Variants in UTRN observed in about 807,000 individuals in gnomAD.
The protein encoded by UTRN is dystrophin-related protein 1.
UTRN carries 283 observed loss-of-function variants against 463.9 expected under a neutral mutation model. The observed-to-expected ratio is 0.61, with a 90% CI of 0.55 to 0.67. The LOEUF is 0.67. UTRN is among the 30% of genes least tolerant of loss of function. The pLI is 0.00. For synonymous variants in UTRN, 1,442 were observed against 1,431.5 expected (o/e 1.01, Z -0.17); for missense variants, 3,922 against 4,084.3 (o/e 0.96, Z 1.08).
chr6:144,588,844 A>G (rs74879088), intron 51 of UTRN, among the ~76,000 whole-genome samples: 441 of 152,294 alleles, frequency 2.9e-3, no homozygotes, highest in Admixed American at 7.3e-3. Context: ...CCTACCATAG[A>G]GATAAAAGAA....
At chr6:144,589,142 A>G (rs1483890837) in intron 51 of UTRN, among the ~76,000 whole-genome samples, 3 of 152,246 alleles carry the variant, frequency 2.0e-5, no homozygotes, top group Non-Finnish European at 4.4e-5. Context: ...TTGGAAAAAC[A>G]TCAAATGGAA....
rs532684224 is a variant in UTRN, at chr6:144,553,523, A to G, written c.6929-1165A>G. Among the ~76,000 whole-genome samples, 10 of 152,218 alleles carry G rather than the reference A, an allele frequency of 6.6e-5. No individual in the cohort carries two copies. The South Asian group carries it at 1.9e-3, about 28-fold the overall frequency. ...TTCAGCAGCGTGGTTTTAACATTCT[A>G]CCTACTTATTATCAGCAGGTTCTTG... On this transcript the variant is annotated intron_variant, in intron 48 of 74. Transcript: ENST00000367545.
At chr6:144,448,532 A>G in intron 16 of UTRN, 68 bp from the exon 17 acceptor site, 1 of 1,534,936 alleles carries the variant, frequency 6.5e-7, no homozygotes, top group Admixed American at 2.0e-5. Context: ...AAAGAATTTT[A>G]TAGCATGTGA....
chr6:144,596,934 G>A lies in UTRN; in HGVS notation c.7479+19646G>A, dbSNP rs139283109. On this transcript the variant is annotated intron_variant, in intron 51 of 74. Transcript: ENST00000367545. ...GTTTCAACTTCAGATGGTGACAAGT[G>A]CAAAATGGCTTAAAAGTGCCTTGGC... Among the ~76,000 whole-genome samples the A allele has an allele frequency of 2.4e-3, 366 of 152,232 alleles. 1 individual carries two copies. Among genetic ancestry groups the A allele is most frequent in the Non-Finnish European group, 4.1e-3 (280 of 68,000 alleles).
At chr6:144,687,218 A>T (rs1782866127) in intron 52 of UTRN, among the ~76,000 whole-genome samples, 1 of 152,074 alleles carries the variant, frequency 6.6e-6, no homozygotes, top group Admixed American at 6.6e-5. Flanking sequence ...TTCATCAGGG[A>T]TATTGGTCTG....
intron 58 of UTRN, 110 bp downstream of exon 58, chr6:144,758,099 C>A: frequency 1.2e-6 from 1 of 805,428 alleles, no homozygotes; most frequent in South Asian, 2.1e-5. Context: ...GTCCTATTAT[C>A]TGAAAGAAAC....
intron 54 of UTRN, among the ~76,000 whole-genome samples, chr6:144,743,148 C>T (rs1392172576): frequency 6.6e-6 from 1 of 152,158 alleles, no homozygotes; most frequent in African/African-American, 2.4e-5. Context: ...TAATTATATA[C>T]TGAGGACATA....
rs11755733 is a variant in UTRN at position 144,429,934 on chromosome 6, G to A, written c.855+193G>A. ...GTGTAATAGAACACCATAACTCAAT[G>A]GACTTTATTAAGAAGGAAAATACTT... On this transcript the variant is annotated intron_variant, in intron 9 of 74. Coordinates refer to ENST00000367545, the MANE Select transcript of UTRN (RefSeq NM_007124.3). Among the ~76,000 whole-genome samples, 16,757 of 152,076 alleles carry A rather than the reference G, an allele frequency of 0.11. 1,254 individuals are homozygous for A. The highest frequency in any genetic ancestry group is 0.31 in the East Asian group (1,578 of 5,168).
rs1416304716 is a variant in UTRN, at chr6:144,308,277, G to A, written c.79+16370G>A. ...AGTGATCTTGTCTCCCAGTGTGGTGGGTATATTCTGGCTAGACCAGGTCAT... is the reference window on the plus strand; with the variant it reads ...AGTGATCTTGTCTCCCAGTGTGGTGAGTATATTCTGGCTAGACCAGGTCAT... On this transcript the variant is annotated intron_variant, in intron 2 of 74. Coordinates refer to ENST00000367545, the MANE Select transcript of UTRN (RefSeq NM_007124.3). 2.6e-5 allele frequency among the ~76,000 whole-genome samples: 4 copies of A among 152,106 alleles called. No individual in the cohort carries two copies. In the East Asian group the frequency reaches 7.7e-4, roughly 29 times the overall value.
chr6:144,426,551 TC>T, intron 7 of UTRN, 92 bp downstream of exon 7: 1 of 1,311,952 alleles, frequency 7.6e-7, no homozygotes, highest in South Asian at 1.6e-5. Flanking sequence ...AAGCCCCTTC[TC>T]CAGTGCCACT....
chr6:144,830,762 C>T (rs13218938), intron 69 of UTRN, among the ~76,000 whole-genome samples: 16,769 of 150,378 alleles, frequency 0.11, 1,252 homozygotes, highest in East Asian at 0.44. Flanking sequence ...CATCAGCTAT[C>T]ATTAGTGTTA....
intron 51 of UTRN, among the ~76,000 whole-genome samples, chr6:144,674,678 T>TC (rs1358742633): frequency 6.6e-6 from 1 of 152,184 alleles, no homozygotes; most frequent in Admixed American, 6.5e-5. Flanking sequence ...CACTTCAGTC[T>TC]CCCAAGTAGC....
At chr6:144,410,584 C>G (rs1463422994) in intron 3 of UTRN, among the ~76,000 whole-genome samples, 1 of 151,938 alleles carries the variant, frequency 6.6e-6, no homozygotes, top group Non-Finnish European at 1.5e-5. Flanking sequence ...CACCTGCACC[C>G]CCCGCCCAGG....
chr6:144,421,623 A>G (rs1402135591), intron 3 of UTRN, among the ~76,000 whole-genome samples: 3 of 151,880 alleles, frequency 2.0e-5, no homozygotes, highest in Non-Finnish European at 4.4e-5. Flanking sequence ...CTGGAGGCGG[A>G]GGTTGCAGTG....
intron 64 of UTRN, among the ~76,000 whole-genome samples, chr6:144,800,579 T>C (rs902934777): frequency 2.6e-5 from 4 of 152,208 alleles, no homozygotes. Flanking sequence ...TGTTTGGTGC[T>C]GAGACTTTGA....
chr6:144,635,514 C>CTTTTTTTTTTTTTTTTTTTTTTTTT (rs1402815648), intron 51 of UTRN, among the ~76,000 whole-genome samples: 11 of 80,008 alleles, frequency 1.4e-4, no homozygotes, highest in Non-Finnish European at 2.0e-4. Flanking sequence ...CTTTTTTTTT[C>CTTTTTTTTTTTTTTTTTTTTTTTTT]TTTTTTTTTT....
At position 144,473,745 on chromosome 6, in the gene UTRN, G is replaced by A; in HGVS notation, c.3092G>A (p.Trp1031Ter). Residue 1031 changes from tryptophan (W) to a stop codon, truncating the protein, a stop_gained, in exon 24 of 75, where the codon TGG becomes TAG. Coordinates refer to ENST00000367545, the MANE Select transcript of UTRN (RefSeq NM_007124.3). LOFTEE classifies it high-confidence loss of function. ...FEADSTVIEK[W>*]MDGVKDFLMK... Reference sequence around the variant, plus strand: ...GCCGATTCAACAGTCATTGAGAAGTGGATGGATGGCGTGAAAGACTTCTTA... The same window carrying A: ...GCCGATTCAACAGTCATTGAGAAGTAGATGGATGGCGTGAAAGACTTCTTA... 6.2e-7 allele frequency: 1 copy of A among 1,614,088 alleles called. No homozygotes were observed. Among genetic ancestry groups the A allele is most frequent in the Non-Finnish European group, 8.5e-7 (1 of 1,179,994 alleles).
intron 51 of UTRN, among the ~76,000 whole-genome samples, chr6:144,636,215 TA>T (rs577741453): frequency 6.6e-6 from 1 of 152,244 alleles, no homozygotes; most frequent in African/African-American, 2.4e-5. Context: ...TATGCAGCCA[TA>T]AAAAATGAGT....
chr6:144,827,638 T>C lies in UTRN; in HGVS notation c.9561T>C (p.His3187=), dbSNP rs1316531299. Residue 3187 remains histidine, a synonymous_variant, in exon 68 of 75, where the codon CAT becomes CAC. Coordinates refer to ENST00000367545, the MANE Select transcript of UTRN (RefSeq NM_007124.3). ...YDPSQSPQLF[H]DDTHSRIEQY... ...CCTCACAATCTCCTCAACTGTTTCATGATGACACCCATTCAAGAATAGAAC... is the reference window on the plus strand; with the variant it reads ...CCTCACAATCTCCTCAACTGTTTCACGATGACACCCATTCAAGAATAGAAC... The C allele has an allele frequency of 2.5e-6, 4 of 1,613,760 alleles. No individual in the cohort carries two copies. In the South Asian group the frequency reaches 4.4e-5, roughly 18 times the overall value.
Sources: gnomAD v4.1 joint callset for allele counts (sites outside exome capture counted in the v4.1 genomes callset) on GRCh38, gnomAD v4.1.1 for gene constraint, MANE v1.5 for transcripts, NCBI Gene and HGNC (gene_info 2026-07-23, HGNC 2026-07-21) for gene names.